PALS1: variants seen among roughly 807,000 people sequenced by gnomAD.
PALS1 encodes protein associated with LIN7 1, MAGUK p55 family member.
A neutral mutation model predicts 78.9 loss-of-function variants in PALS1; 31 were observed. That is an observed-to-expected ratio of 0.39 (90% CI 0.30 to 0.53). The LOEUF is 0.53. Among genes scored for constraint, PALS1 ranks in the 20% least tolerant of loss-of-function variants. PALS1 has a pLI of 0.67. For synonymous variants in PALS1, 276 were observed against 270.9 expected, an observed-to-expected ratio of 1.02 and a Z score of -0.18; for missense variants, 704 against 826.5, an observed-to-expected ratio of 0.85 and a Z score of 1.82.
intron 3 of PALS1, among the ~76,000 whole-genome samples, chr14:67,283,152 T>C (rs2084627761): frequency 6.6e-6 from 1 of 152,140 alleles, no homozygotes; most frequent in African/African-American, 2.4e-5. Flanking sequence ...ATACTATTAG[T>C]GTGAAGAAGG....
chr14:67,259,763 T>C (rs980867740), intron 1 of PALS1, among the ~76,000 whole-genome samples: 2 of 151,638 alleles, frequency 1.3e-5, no homozygotes, highest in African/African-American at 4.8e-5. Flanking sequence ...TAAAATAAAA[T>C]TAGCCAGGCA....
intron 14 of PALS1, among the ~76,000 whole-genome samples, chr14:67,324,896 C>CTTT (rs2085326609): frequency 7.1e-4 from 81 of 114,354 alleles, no homozygotes; most frequent in African/African-American, 2.2e-3. Context: ...GCCTTCCTTT[C>CTTT]ATTTTTTTTT....
intron 1 of PALS1, among the ~76,000 whole-genome samples, chr14:67,268,322 G>A (rs117733878): frequency 0.012 from 1,839 of 152,288 alleles, 19 homozygotes; most frequent in Non-Finnish European, 0.018. Flanking sequence ...TCATACGATC[G>A]AATTCATCTG....
rs557910049 is a variant in PALS1 at position 67,293,051 on chromosome 14, C to G, written c.576+332C>G. On this transcript the variant is annotated intron_variant, in intron 4 of 14. Coordinates refer to ENST00000261681, the MANE Select transcript of PALS1 (RefSeq NM_022474.4). ...AATTTTAAGCATTATACATTATAAA[C>G]TGAGATAGTGAATACTGATGAGATA... 9.9e-5 allele frequency among the ~76,000 whole-genome samples: 15 copies of G among 152,078 alleles called. 1 individual carries two copies. In the South Asian group the frequency reaches 2.7e-3, roughly 27 times the overall value.
At chr14:67,286,999 C>CT (rs1437045799) in intron 3 of PALS1, among the ~76,000 whole-genome samples, 1 of 152,138 alleles carries the variant, frequency 6.6e-6, no homozygotes, top group Non-Finnish European at 1.5e-5. Flanking sequence ...GGGTGGATCA[C>CT]TTGAGTCCAG....
chr14:67,286,869 A>AG (rs1293682069), intron 3 of PALS1, among the ~76,000 whole-genome samples: 47 of 151,120 alleles, frequency 3.1e-4, no homozygotes, highest in Admixed American at 1.1e-3. Context: ...AAAAAAAAAA[A>AG]AAAAAGAAAA....
chr14:67,316,965 T>G (rs2085185609), intron 10 of PALS1, 62 bp downstream of exon 10: 6 of 1,298,226 alleles, frequency 4.6e-6, no homozygotes, highest in East Asian at 2.3e-5. Context: ...GAGCCATGTG[T>G]GAATCTGCAT....
intron 9 of PALS1, among the ~76,000 whole-genome samples, chr14:67,313,055 G>A (rs988815947): frequency 2.6e-5 from 4 of 152,074 alleles, no homozygotes; most frequent in Admixed American, 2.0e-4. Context: ...CATGATTTTT[G>A]AGAAGGAAAG....
chr14:67,333,657 A>C lies in PALS1; in HGVS notation c.*701A>C, dbSNP rs575786779. 3.3e-5 allele frequency: 5 copies of C among 152,564 alleles called. No individual in the cohort carries two copies. The highest frequency in any genetic ancestry group is 1.3e-4 in the Admixed American group (2 of 15,262). 9.5% of individuals were successfully genotyped at this position (152,564 alleles called of 1,614,324 possible). A position where few individuals can be genotyped will look rare whatever the true frequency, so the allele number is the denominator to read the frequency against. ...TCTAATCTACTTAAAGGTATACAAA[A>C]TATGCTGATCTTTTTTAAATTATGA... On this transcript the variant is annotated 3_prime_UTR_variant, in exon 15 of 15. Transcript: ENST00000261681.
chr14:67,248,806 T>A (rs892384377), intron 1 of PALS1, among the ~76,000 whole-genome samples: 1 of 152,116 alleles, frequency 6.6e-6, no homozygotes, highest in Non-Finnish European at 1.5e-5. Context: ...CTGGACTTAG[T>A]TTACATACCA....
intron 1 of PALS1, among the ~76,000 whole-genome samples, chr14:67,256,984 C>T (rs756062310): frequency 5.3e-5 from 8 of 152,094 alleles, no homozygotes; most frequent in South Asian, 4.1e-4. Context: ...GAGGTCCTGA[C>T]GACAGGTGCC....
At position 67,241,461 on chromosome 14, in the gene PALS1, GC is replaced by G. The variant is rs200541606; in HGVS notation, c.-307del. Reference sequence around the variant, plus strand: ...TTCTTTATCCGGAATTTCAAGGGCCGCCGGAGGGCTGTCGCTTCTGCAGTGC... The same window carrying G: ...TTCTTTATCCGGAATTTCAAGGGCCGCGGAGGGCTGTCGCTTCTGCAGTGC... On this transcript the variant is annotated 5_prime_UTR_variant, in exon 1 of 15. Transcript: ENST00000261681. The G allele has an allele frequency of 0.03, 4,636 of 152,766 alleles. 87 individuals carry two copies. The highest frequency in any genetic ancestry group is 0.037 in the Middle Eastern group (11 of 298). 9.5% of individuals were successfully genotyped at this position (152,766 alleles called of 1,614,324 possible).
intron 8 of PALS1, among the ~76,000 whole-genome samples, chr14:67,309,991 G>C (rs2085063035): frequency 6.7e-6 from 1 of 150,202 alleles, no homozygotes; most frequent in Admixed American, 6.6e-5. Context: ...AGATTCTCAA[G>C]GTTTTTTTTT....
At chr14:67,300,951 C>T (rs940712191) in intron 4 of PALS1, among the ~76,000 whole-genome samples, 3 of 152,110 alleles carry the variant, frequency 2.0e-5, no homozygotes, top group African/African-American at 7.2e-5. Context: ...CTCAGCCTCT[C>T]AAAGTGCTGG....
intron 1 of PALS1, among the ~76,000 whole-genome samples, chr14:67,250,729 G>C (rs1227557301): frequency 6.6e-6 from 1 of 152,172 alleles, no homozygotes; most frequent in East Asian, 1.9e-4. Flanking sequence ...TTGCATAAGG[G>C]TAATCAGTAC....
At chr14:67,325,194 CAG>C (rs2085333308) in intron 14 of PALS1, among the ~76,000 whole-genome samples, 1 of 152,152 alleles carries the variant, frequency 6.6e-6, no homozygotes, top group African/African-American at 2.4e-5. Flanking sequence ...CGTGAGCCAC[CAG>C]GCCCAGCCTC....
rs376888132 is a variant in PALS1, at chr14:67,312,497, A to G, written c.1042-30A>G. 8.5e-6 allele frequency: 12 copies of G among 1,403,664 alleles called. No individual in the cohort carries two copies. In the South Asian group the frequency reaches 1.7e-4, roughly 20 times the overall value. 87.0% of individuals were successfully genotyped at this position (1,403,664 alleles called of 1,614,324 possible). On this transcript the variant is annotated intron_variant, in intron 8 of 14. Transcript: ENST00000261681. Reference sequence around the variant, plus strand: ...TATGAAACATTTTATATTGCCATTTATTGTTGTTTTTGCCCTTTTTATCTT... The same window carrying G: ...TATGAAACATTTTATATTGCCATTTGTTGTTGTTTTTGCCCTTTTTATCTT...
intron 3 of PALS1, among the ~76,000 whole-genome samples, chr14:67,285,900 T>A (rs559407154): frequency 1.3e-5 from 2 of 152,320 alleles, no homozygotes; most frequent in East Asian, 3.9e-4. Context: ...TTTGTATTCA[T>A]CTGATTAGTT....
intron 9 of PALS1, among the ~76,000 whole-genome samples, chr14:67,314,376 A>C (rs1206307146): frequency 6.6e-6 from 1 of 152,184 alleles, no homozygotes; most frequent in Non-Finnish European, 1.5e-5. Flanking sequence ...ATTCTTTTTG[A>C]GTATAAGGTC....
Sources: gnomAD v4.1 joint callset for allele counts (sites outside exome capture counted in the v4.1 genomes callset) on GRCh38, gnomAD v4.1.1 for gene constraint, MANE v1.5 for transcripts, NCBI Gene and HGNC (gene_info 2026-07-23, HGNC 2026-07-21) for gene names.